Variants in ZC3H3 observed in about 807,000 individuals in gnomAD.
ZC3H3 encodes the protein zinc finger CCCH-type containing 3, also known as zinc finger CCCH domain-containing protein 3.
ZC3H3 carries 36 observed loss-of-function variants against 77.3 expected under a neutral mutation model. The observed-to-expected ratio is 0.47, with a 90% CI of 0.36 to 0.61. The LOEUF (loss-of-function observed/expected upper bound fraction) is 0.61. ZC3H3 is among the 20% of genes least tolerant of loss of function. ZC3H3 has a pLI of 0.00. For synonymous variants in ZC3H3, 626 were observed against 555.2 expected, an observed-to-expected ratio of 1.13 and a Z score of -1.79; for missense variants, 1,331 against 1,312.2, an observed-to-expected ratio of 1.01 and a Z score of -0.22.
chr8:143,502,276 C>T (rs1038195620), intron 4 of ZC3H3, among the ~76,000 whole-genome samples: 9 of 152,238 alleles, frequency 5.9e-5, no homozygotes, highest in Non-Finnish European at 8.8e-5. Context: ...AACCAGAAGA[C>T]GGGCAGGAGG....
At chr8:143,534,834 G>C (rs893856965) in intron 3 of ZC3H3, among the ~76,000 whole-genome samples, 1 of 152,036 alleles carries the variant, frequency 6.6e-6, no homozygotes, top group Non-Finnish European at 1.5e-5. Flanking sequence ...AGCAGGTGTC[G>C]GCTAACGGGG....
chr8:143,479,791 T>A (rs73715613), intron 4 of ZC3H3, among the ~76,000 whole-genome samples: 3,986 of 152,130 alleles, frequency 0.026, 169 homozygotes, highest in African/African-American at 0.091. Flanking sequence ...GCCTCCCCTC[T>A]CCTCCCTGGG....
At chr8:143,503,383 A>G (rs1248901385) in intron 4 of ZC3H3, among the ~76,000 whole-genome samples, 1 of 152,062 alleles carries the variant, frequency 6.6e-6, no homozygotes, top group Non-Finnish European at 1.5e-5. Flanking sequence ...CCTGGCTGGC[A>G]GCACACAGAA....
intron 4 of ZC3H3, among the ~76,000 whole-genome samples, chr8:143,489,073 G>A (rs972897808): frequency 6.6e-6 from 1 of 152,232 alleles, no homozygotes; most frequent in East Asian, 1.9e-4. Context: ...AGATGAAGGC[G>A]CTTCTCTGGG....
At chr8:143,531,058 T>C (rs924859387) in intron 3 of ZC3H3, among the ~76,000 whole-genome samples, 1 of 147,416 alleles carries the variant, frequency 6.8e-6, no homozygotes, top group Non-Finnish European at 1.5e-5. Flanking sequence ...CTCCCAGACC[T>C]AAGCAATCCT....
At chr8:143,498,702 G>A (rs538107842) in intron 4 of ZC3H3, among the ~76,000 whole-genome samples, 215 of 151,368 alleles carry the variant, frequency 1.4e-3, no homozygotes, top group African/African-American at 5.1e-3. Context: ...GGGAACCGGG[G>A]GCAGAGGGGT....
Position 143,530,549 on chromosome 8 carries a change from T to A in ZC3H3, c.1561+5708A>T, listed in dbSNP as rs1226645989. ...GGTGGGTGGGAGAGCTGGCCCTCAC[T>A]CCTGGCCTGGCCTGGAGTGTACAGC... On this transcript the variant is annotated intron_variant, in intron 3 of 11. Coordinates refer to ENST00000262577, the MANE Select transcript of ZC3H3 (RefSeq NM_015117.3). The surrounding 1 kb of genome is among the most constrained non-coding windows in gnomAD (Gnocchi z 4.3). Among the ~76,000 whole-genome samples the A allele has an allele frequency of 1.3e-5, 2 of 152,028 alleles. No homozygotes were observed. The highest frequency in any genetic ancestry group is 3.9e-4 in the East Asian group (2 of 5,148).
intron 10 of ZC3H3, 146 bp from the exon 11 acceptor site, chr8:143,440,509 C>G: frequency 7.2e-7 from 1 of 1,393,420 alleles, no homozygotes; most frequent in Non-Finnish European, 9.3e-7. Flanking sequence ...AGGCCTGGCC[C>G]TTGGCCGCAA....
chr8:143,488,602 A>G (rs1251665229), intron 4 of ZC3H3, among the ~76,000 whole-genome samples: 1 of 152,248 alleles, frequency 6.6e-6, no homozygotes, highest in Non-Finnish European at 1.5e-5. Context: ...GTAGGCAGAG[A>G]GCAGAAAAGC....
chr8:143,466,802 T>C (rs1321012632), intron 8 of ZC3H3, among the ~76,000 whole-genome samples: 1 of 152,110 alleles, frequency 6.6e-6, no homozygotes, highest in African/African-American at 2.4e-5. Flanking sequence ...CCCTCCTGGG[T>C]CAGACCACCC....
chr8:143,452,639 T>C (rs1052250954), intron 9 of ZC3H3, among the ~76,000 whole-genome samples: 1 of 152,082 alleles, frequency 6.6e-6, no homozygotes, highest in Non-Finnish European at 1.5e-5. Flanking sequence ...AAAAAGAAGA[T>C]ACAGTAGAAC....
chr8:143,524,932 T>C (rs998334476), intron 3 of ZC3H3, among the ~76,000 whole-genome samples: 29 of 152,240 alleles, frequency 1.9e-4, no homozygotes, highest in Admixed American at 8.5e-4. Flanking sequence ...AGAAGGGAGC[T>C]TGGGGCCCCA....
chr8:143,449,287 T>C lies in ZC3H3; in HGVS notation c.2308-8167A>G, dbSNP rs576541770. ...AAATGGGCTTTTCTTTTCTACTACA[T>C]GGCCAGGCTGCAAATTTTCCAAACT... On this transcript the variant is annotated intron_variant, in intron 9 of 11. Coordinates refer to ENST00000262577, the MANE Select transcript of ZC3H3 (RefSeq NM_015117.3). 1.8e-4 allele frequency among the ~76,000 whole-genome samples: 27 copies of C among 152,362 alleles called. No homozygotes were observed. In the South Asian group the frequency reaches 5.2e-3, roughly 29 times the overall value.
At chr8:143,452,641 C>T (rs10100594) in intron 9 of ZC3H3, among the ~76,000 whole-genome samples, 95,191 of 151,786 alleles carry the variant, frequency 0.63, 30,086 homozygotes, top group Middle Eastern at 0.66. Flanking sequence ...AAAGAAGATA[C>T]AGTAGAACCA....
intron 9 of ZC3H3, among the ~76,000 whole-genome samples, chr8:143,465,386 G>A (rs1021399832): frequency 2.6e-5 from 4 of 152,206 alleles, no homozygotes; most frequent in East Asian, 1.9e-4. Context: ...CTGCACTGCC[G>A]CCCCCAGCAA....
Position 143,452,509 on chromosome 8 carries a change from G to A in ZC3H3, c.2308-11389C>T, listed in dbSNP as rs994491532. ...TCCAAGCTCGGTGAAGAGGGGCAGCGCCAACGCTGACAGACAGGGCGTCAG... is the reference window on the plus strand; with the variant it reads ...TCCAAGCTCGGTGAAGAGGGGCAGCACCAACGCTGACAGACAGGGCGTCAG... On this transcript the variant is annotated intron_variant, in intron 9 of 11. Transcript: ENST00000262577. Among the ~76,000 whole-genome samples, 12 of 152,176 alleles carry A rather than the reference G, an allele frequency of 7.9e-5. 1 individual carries two copies. The South Asian group carries it at 1.2e-3, about 16-fold the overall frequency.
intron 3 of ZC3H3, among the ~76,000 whole-genome samples, chr8:143,521,163 T>A (rs1000392944): frequency 6.6e-6 from 1 of 152,016 alleles, no homozygotes; most frequent in African/African-American, 2.4e-5. Context: ...AGGGGCAGCC[T>A]GGCTCCTCCC....
At chr8:143,496,560 G>A (rs570931560) in intron 4 of ZC3H3, among the ~76,000 whole-genome samples, 4 of 152,260 alleles carry the variant, frequency 2.6e-5, no homozygotes, top group East Asian at 3.9e-4. Context: ...GGTCCACGCC[G>A]TTAAAGCAAA....
At position 143,462,243 on chromosome 8, in the gene ZC3H3, C is replaced by CT. The variant is rs1820285649; in HGVS notation, c.2307+3473dup. Among the ~76,000 whole-genome samples, 1 of 152,138 alleles carries CT rather than the reference C, an allele frequency of 6.6e-6. No individual in the cohort carries two copies. Among genetic ancestry groups the CT allele is most frequent in the Non-Finnish European group, 1.5e-5 (1 of 68,038 alleles). ...TATCCCGACTGTATATAAAAGGAGA[C>CT]TGAGGCCAGAGGAGGAAGTAACCGT... is the stretch of plus-strand genomic sequence containing the variant. On this transcript the variant is annotated intron_variant, in intron 9 of 11. Transcript: ENST00000262577. This position sits in a 1 kb window ranked among gnomAD's most constrained non-coding sequence, Gnocchi z 4.7.
Sources: allele counts gnomAD v4.1 joint callset (sites outside exome capture counted in the v4.1 genomes callset), GRCh38; gene constraint gnomAD v4.1.1; non-coding constraint Gnocchi (gnomAD v3.1); transcripts MANE v1.5; gene names NCBI Gene and HGNC (gene_info 2026-07-23, HGNC 2026-07-21).